The following DPYD variants were observed in gnomAD, a reference collection of about 807,000 sequenced individuals.
The protein encoded by DPYD is dihydropyrimidine dehydrogenase.
In DPYD, 109 loss-of-function variants were observed where a neutral mutation model predicts 116.2. That is an observed-to-expected ratio of 0.94 (90% CI 0.80 to 1.10). The LOEUF is 1.10. Among genes scored for constraint, DPYD ranks in the 50% least tolerant of loss-of-function variants. DPYD has a pLI of 0.00. For synonymous variants in DPYD, 440 were observed against 432.0 expected (o/e 1.02, Z -0.23); for missense variants, 1,302 against 1,254.5 (o/e 1.04, Z -0.57).
At chr1:97,823,425 C>T (rs960353247) in intron 3 of DPYD, among the ~76,000 whole-genome samples, 2 of 152,126 alleles carry the variant, frequency 1.3e-5, no homozygotes, top group Admixed American at 1.3e-4. Context: ...TTAAAGTATA[C>T]AATATATTAC....
chr1:97,718,127 T>C (rs1224727569), intron 5 of DPYD, among the ~76,000 whole-genome samples: 1 of 152,016 alleles, frequency 6.6e-6, no homozygotes, highest in Non-Finnish European at 1.5e-5. Flanking sequence ...CATGCCAACA[T>C]CTATTATTTT....
Position 97,450,136 on chromosome 1 carries a change from T to C in DPYD, c.1828A>G (p.Ile610Val). ...YGPGQSSFLN[I>V]ELISEKTAAY... is the part of the protein sequence containing the mutation. ...GCCGTTTTCTCACTGATGAGCTCAA[T>C]ATTCAGAAAGGAGCTTTGTCCAGGG... Residue 610 changes from isoleucine (I) to valine (V), a missense_variant, in exon 14 of 23, where the codon ATT becomes GTT. Physicochemically the swap from Ile to Val is conservative, Grantham distance 29. Coordinates refer to ENST00000370192, the MANE Select transcript of DPYD (RefSeq NM_000110.4). The C allele has an allele frequency of 6.2e-7, 1 of 1,613,972 alleles. No individual in the cohort carries two copies. The highest frequency in any genetic ancestry group is 8.5e-7 in the Non-Finnish European group (1 of 1,179,906).
chr1:97,846,176 T>C (rs938351258), intron 2 of DPYD, among the ~76,000 whole-genome samples: 1 of 152,124 alleles, frequency 6.6e-6, no homozygotes, highest in African/African-American at 2.4e-5. Flanking sequence ...TTCCGGCTGG[T>C]GAAGTGACAC....
At chr1:97,450,329 C>G in intron 13 of DPYD, 106 bp from the exon 14 acceptor site, 1 of 1,252,350 alleles carries the variant, frequency 8.0e-7, no homozygotes. Context: ...TCCCTTCTCA[C>G]ATTTTTGCAG....
chr1:97,743,485 G>A (rs1664377818), intron 3 of DPYD, among the ~76,000 whole-genome samples: 1 of 152,142 alleles, frequency 6.6e-6, no homozygotes, highest in Middle Eastern at 3.4e-3. Flanking sequence ...TTGAGCGGTG[G>A]GGGTTGATCA....
intron 18 of DPYD, among the ~76,000 whole-genome samples, chr1:97,304,260 G>A (rs548007942): frequency 7.9e-5 from 12 of 152,052 alleles, no homozygotes; most frequent in East Asian, 3.9e-4. Flanking sequence ...CGCGGTCCAC[G>A]TTATTCTGCA....
intron 20 of DPYD, among the ~76,000 whole-genome samples, chr1:97,139,197 C>T (rs886390203): frequency 3.3e-5 from 5 of 152,068 alleles, no homozygotes; most frequent in Non-Finnish European, 5.9e-5. Context: ...ATGCCAGATT[C>T]GGTTCATCGG....
intron 11 of DPYD, among the ~76,000 whole-genome samples, chr1:97,559,023 A>T (rs558375725): frequency 6.6e-6 from 1 of 152,268 alleles, no homozygotes; most frequent in African/African-American, 2.4e-5. Flanking sequence ...TTAAGACTGC[A>T]AACTGCTTGA....
chr1:97,626,349 GT>G (rs1345947304), intron 8 of DPYD, among the ~76,000 whole-genome samples: 2 of 151,550 alleles, frequency 1.3e-5, no homozygotes, highest in African/African-American at 4.8e-5. Context: ...TAAATATTCA[GT>G]TACTTCAACT....
At chr1:97,523,843 T>C (rs893336937) in intron 12 of DPYD, among the ~76,000 whole-genome samples, 1 of 152,074 alleles carries the variant, frequency 6.6e-6, no homozygotes, top group Non-Finnish European at 1.5e-5. Context: ...GAGGGGGAAA[T>C]GATAAACTAT....
chr1:97,658,944 A>G (rs1426649054), intron 8 of DPYD, among the ~76,000 whole-genome samples: 1 of 151,878 alleles, frequency 6.6e-6, no homozygotes, highest in Non-Finnish European at 1.5e-5. Context: ...TCAGAAAAAA[A>G]CCTTCTCCCT....
intron 16 of DPYD, among the ~76,000 whole-genome samples, chr1:97,319,924 C>A (rs1668132320): frequency 8.6e-6 from 1 of 115,950 alleles, no homozygotes; most frequent in African/African-American, 3.2e-5. Flanking sequence ...AAGGCTGGTT[C>A]AATATACGCA....
At chr1:97,476,381 A>T (rs538625679) in intron 13 of DPYD, among the ~76,000 whole-genome samples, 1 of 152,362 alleles carries the variant, frequency 6.6e-6, no homozygotes, top group Non-Finnish European at 1.5e-5. Context: ...AGAAAATGAT[A>T]AAAAATATGA....
intron 18 of DPYD, among the ~76,000 whole-genome samples, chr1:97,285,219 G>A (rs1336787054): frequency 6.6e-6 from 1 of 152,168 alleles, no homozygotes; most frequent in Non-Finnish European, 1.5e-5. Context: ...TCTACTTGAA[G>A]ATCATGGCTT....
chr1:97,437,525 C>A (rs1675535194), intron 14 of DPYD, among the ~76,000 whole-genome samples: 1 of 151,778 alleles, frequency 6.6e-6, no homozygotes, highest in East Asian at 1.9e-4. Context: ...CATTCCCGTA[C>A]AAGTCTTTGT....
intron 4 of DPYD, among the ~76,000 whole-genome samples, chr1:97,733,306 T>G (rs1663739509): frequency 6.6e-6 from 1 of 152,048 alleles, no homozygotes; most frequent in African/African-American, 2.4e-5. Context: ...TTATAAAACG[T>G]ATGTTCATTA....
At chr1:97,129,616 C>G (rs376895859) in intron 20 of DPYD, among the ~76,000 whole-genome samples, 1 of 152,228 alleles carries the variant, frequency 6.6e-6, no homozygotes, top group South Asian at 2.1e-4. Flanking sequence ...CCGCAGGTTT[C>G]AGGCCCTTGA....
At chr1:97,696,802 T>A (rs908526165) in intron 6 of DPYD, among the ~76,000 whole-genome samples, 4 of 152,166 alleles carry the variant, frequency 2.6e-5, no homozygotes, top group Non-Finnish European at 5.9e-5. Context: ...ACTATAGAGA[T>A]AATAGACTTA....
chr1:97,249,434 A>G lies in DPYD; in HGVS notation c.2300-14440T>C, dbSNP rs144510420. On this transcript the variant is annotated intron_variant, in intron 18 of 22. Transcript: ENST00000370192. The stretch of plus-strand genomic sequence containing the variant: ...GGAAAAAAATGAAACCATGGCCTCT[A>G]CCTCACTTCATATACAGTTTTTTTA... Among the ~76,000 whole-genome samples, 8 of 152,216 alleles carry G rather than the reference A, an allele frequency of 5.3e-5. No individual in the cohort carries two copies. In the East Asian group the frequency reaches 1.5e-3, roughly 29 times the overall value.
Sources: gnomAD v4.1 joint callset for allele counts (sites outside exome capture counted in the v4.1 genomes callset) on GRCh38, gnomAD v4.1.1 for gene constraint, MANE v1.5 for transcripts, NCBI Gene and HGNC (gene_info 2026-07-23, HGNC 2026-07-21) for gene names.